Variants in FLT4 observed in about 807,000 individuals in gnomAD.
The protein encoded by FLT4 is vascular endothelial growth factor receptor 3.
FLT4 carries 30 observed loss-of-function variants against 163.2 expected under a neutral mutation model. The ratio of observed to expected loss-of-function variants is 0.18; its 90% CI spans 0.14 to 0.25. The LOEUF is 0.25. FLT4 is among the 10% of genes least tolerant of loss of function. The pLI is 1.00. For missense variants in FLT4, 1,510 were observed against 1,863.8 expected, an observed-to-expected ratio of 0.81 and a Z score of 3.50; for synonymous variants, 884 against 789.5, an observed-to-expected ratio of 1.12 and a Z score of -2.01.
At chr5:180,609,147 A>C in intron 28 of FLT4, 94 bp from the exon 29 acceptor site, 1 of 1,025,272 alleles carries the variant, frequency 9.8e-7, no homozygotes, top group Non-Finnish European at 1.5e-6. Flanking sequence ...ATGGTCCTGC[A>C]GCGCGGCTGA....
chr5:180,631,623 C>G, intron 2 of FLT4, 59 bp downstream of exon 2: 1 of 1,385,816 alleles, frequency 7.2e-7, no homozygotes, highest in Non-Finnish European at 1.0e-6. Flanking sequence ...ACAGCCACCA[C>G]CTCCTGCCTT....
At chr5:180,639,114 AATGGATGG>A (rs966564022) in intron 1 of FLT4, among the ~76,000 whole-genome samples, 2 of 149,626 alleles carry the variant, frequency 1.3e-5, no homozygotes, top group African/African-American at 4.9e-5. Flanking sequence ...TGGATGGATG[AATGGATGG>A]ATGGATGCAT....
intron 23 of FLT4, among the ~76,000 whole-genome samples, chr5:180,615,448 C>T (rs71598631): frequency 5.2e-4 from 52 of 99,876 alleles, no homozygotes; most frequent in Middle Eastern, 5.2e-3. Context: ...CTGGGCCCGC[C>T]GGTCACCTCC....
At chr5:180,612,656 G>A (rs562823123) in intron 25 of FLT4, 45 bp from the exon 26 acceptor site, 21 of 1,370,646 alleles carry the variant, frequency 1.5e-5, no homozygotes, top group Admixed American at 5.8e-5. Flanking sequence ...CCCCACCCCC[G>A]TCCCAGGACC....
At chr5:180,633,624 G>A (rs1392098717) in intron 1 of FLT4, among the ~76,000 whole-genome samples, 1 of 152,164 alleles carries the variant, frequency 6.6e-6, no homozygotes, top group Non-Finnish European at 1.5e-5. Context: ...GAGGGGCTAA[G>A]AAGGAATCCC....
At chr5:180,622,418 C>T (rs1484744645) in intron 12 of FLT4, among the ~76,000 whole-genome samples, 2 of 152,100 alleles carry the variant, frequency 1.3e-5, no homozygotes, top group Non-Finnish European at 2.9e-5. Flanking sequence ...GAGCAAAATT[C>T]ACACGAGTCA....
chr5:180,613,966 C>T (rs1762414990), intron 24 of FLT4, 102 bp downstream of exon 24: 8 of 845,510 alleles, frequency 9.5e-6, no homozygotes, highest in Non-Finnish European at 1.4e-5. Context: ...ACCTGGCACA[C>T]ACCTCCAGGT....
chr5:180,620,328 A>G lies in FLT4; in HGVS notation c.2407-20T>C. On this transcript the variant is annotated intron_variant, in intron 16 of 29. Coordinates refer to ENST00000261937, the MANE Select transcript of FLT4 (RefSeq NM_182925.5). This position sits in a 1 kb window ranked among gnomAD's most constrained non-coding sequence, Gnocchi z 4.4. ...GGCCGGCTGCGGGGAGGGGACAGGG[A>G]GGAGTGGGGCAGCTCACTGATTTGG... The G allele has an allele frequency of 6.2e-7, 1 of 1,608,762 alleles. No individual in the cohort carries two copies. The highest frequency in any genetic ancestry group is 1.3e-5 in the African/African-American group (1 of 74,828).
intron 1 of FLT4, among the ~76,000 whole-genome samples, chr5:180,633,249 A>G (rs1042488376): frequency 6.6e-6 from 1 of 152,146 alleles, no homozygotes; most frequent in Non-Finnish European, 1.5e-5. Flanking sequence ...CTCCTGGCCA[A>G]ACCCTTCCAG....
intron 28 of FLT4, 107 bp downstream of exon 28, chr5:180,609,798 C>T (rs1334200495): frequency 7.2e-7 from 1 of 1,384,128 alleles, no homozygotes; most frequent in Non-Finnish European, 1.0e-6. Context: ...TTTCAAAGGA[C>T]AGTCGTTGGG....
Position 180,620,714 on chromosome 5 carries a change from G to C in FLT4, c.2301C>G (p.Gly767=). ...VNSSASVAVE[G]SEDKGSMEIV... ...TCTCCATGCTGCCCTTATCCTCGGA[G>C]CCTGCGTGGGCAGAAAGGGGCCGGC... is the stretch of plus-strand genomic sequence containing the variant. The change falls in exon 16 of 30, where the codon GGC becomes GGG. Residue 767 remains glycine, a splice_region_variant and synonymous_variant. Coordinates refer to ENST00000261937, the MANE Select transcript of FLT4 (RefSeq NM_182925.5). This position sits in a 1 kb window ranked among gnomAD's most constrained non-coding sequence, Gnocchi z 4.4. 6.2e-7 allele frequency: 1 copy of C among 1,612,800 alleles called. No individual in the cohort carries two copies. The highest frequency in any genetic ancestry group is 8.5e-7 in the Non-Finnish European group (1 of 1,179,570).
intron 29 of FLT4, among the ~76,000 whole-genome samples, chr5:180,603,918 T>A (rs1029189157): frequency 1.1e-3 from 132 of 122,826 alleles, no homozygotes; most frequent in African/African-American, 4.7e-3. Context: ...AAAAAAAAAA[T>A]TGCTTGAGCC....
intron 8 of FLT4, among the ~76,000 whole-genome samples, chr5:180,627,579 G>T (rs1022636834): frequency 6.6e-6 from 1 of 152,230 alleles, no homozygotes; most frequent in Non-Finnish European, 1.5e-5. Context: ...GTCAGTGCTC[G>T]CCATCGTCAT....
rs1761953863 is a variant in FLT4 at position 180,608,828 on chromosome 5, C to T, written c.3893+140G>A. The T allele has an allele frequency of 5.3e-6, 4 of 759,370 alleles. No individual in the cohort carries two copies. In the Admixed American group the frequency reaches 7.7e-5, roughly 15 times the overall value. The allele number at this position is 759,370 out of a possible 1,614,324, so 47.0% of individuals were successfully genotyped here. On this transcript the variant is annotated intron_variant, in intron 29 of 29. Transcript: ENST00000261937. ...AGGTCAGGAGGGGTCTCAGGCAGCT[C>T]ACCTTGAACGCGCGAAAAGGCCATA... is the stretch of plus-strand genomic sequence containing the variant.
At chr5:180,641,125 C>A (rs574263628) in intron 1 of FLT4, among the ~76,000 whole-genome samples, 1 of 152,346 alleles carries the variant, frequency 6.6e-6, no homozygotes, top group African/African-American at 2.4e-5. Flanking sequence ...TCCTCCCTGC[C>A]CGGTTGGGCT....
chr5:180,608,287 A>G (rs763537490), intron 29 of FLT4: 11 of 700,706 alleles, frequency 1.6e-5, no homozygotes, highest in South Asian at 5.9e-5. Flanking sequence ...TCAGCTACCT[A>G]AGAGGGAAGG....
intron 10 of FLT4, among the ~76,000 whole-genome samples, chr5:180,625,153 G>A (rs972766796): frequency 1.2e-4 from 18 of 152,158 alleles, no homozygotes; most frequent in African/African-American, 3.9e-4. Context: ...TTGATACTAG[G>A]AATCTCTTGC....
At chr5:180,611,506 G>A (rs780039630) in intron 26 of FLT4, 27 bp from the exon 27 acceptor site, 2 of 1,611,668 alleles carry the variant, frequency 1.2e-6, no homozygotes, top group Non-Finnish European at 1.7e-6. Flanking sequence ...AGGCAGCCAG[G>A]CCAGAAACCA....
rs1408501130 is a variant in FLT4, at chr5:180,622,799, G to A, written c.1589C>T (p.Ala530Val). 3 of 1,613,528 alleles carry A rather than the reference G, an allele frequency of 1.9e-6. No homozygotes were observed. Among genetic ancestry groups the A allele is most frequent in the South Asian group, 1.1e-5 (1 of 91,080 alleles). The change falls in exon 12 of 30, where the codon GCC (alanine) becomes GTC (valine). Residue 530 changes from alanine (A) to valine (V), a missense_variant. Coordinates refer to ENST00000261937, the MANE Select transcript of FLT4 (RefSeq NM_182925.5). ...GTTGGAGACCACACACTTGTACATGGCAGACACGTTGGCATTCTGGATCAC... is the reference window on the plus strand; with the variant it reads ...GTTGGAGACCACACACTTGTACATGACAGACACGTTGGCATTCTGGATCAC... ...KLVIQNANVS[A>V]MYKCVVSNKV...
Sources: gnomAD v4.1 joint callset for allele counts (sites outside exome capture counted in the v4.1 genomes callset) on GRCh38, gnomAD v4.1.1 for gene constraint, Gnocchi (gnomAD v3.1) non-coding constraint, MANE v1.5 for transcripts, NCBI Gene and HGNC (gene_info 2026-07-23, HGNC 2026-07-21) for gene names.